The following AGBL4 variants were observed in gnomAD, a reference collection of about 807,000 sequenced individuals.
AGBL4 encodes AGBL carboxypeptidase 4.
In AGBL4, 58 loss-of-function variants were observed where a neutral mutation model predicts 66.4. That is an observed-to-expected ratio of 0.87 (90% CI 0.71 to 1.09). AGBL4 has a LOEUF of 1.09. Among genes scored for constraint, AGBL4 ranks in the 50% least tolerant of loss-of-function variants. The probability of loss-of-function intolerance (pLI) is 0.00; values close to 1 mark genes in which losing one functional copy is unlikely to be tolerated. For synonymous variants in AGBL4, 234 were observed against 222.9 expected (o/e 1.05, Z -0.44); for missense variants, 579 against 631.0 (o/e 0.92, Z 0.88).
At chr1:49,734,271 T>TGGAGAGG (rs1395077323) in intron 2 of AGBL4, among the ~76,000 whole-genome samples, 1 of 150,048 alleles carries the variant, frequency 6.7e-6, no homozygotes, top group Non-Finnish European at 1.5e-5. Flanking sequence ...ACTAGTGCCA[T>TGGAGAGG]GGAGAGGGGA....
intron 6 of AGBL4, among the ~76,000 whole-genome samples, chr1:48,864,040 A>C (rs1173612365): frequency 6.6e-6 from 1 of 152,146 alleles, no homozygotes; most frequent in African/African-American, 2.4e-5. Context: ...GACGTTTGCA[A>C]TGTATATAAG....
intron 6 of AGBL4, among the ~76,000 whole-genome samples, chr1:48,804,960 T>C (rs1333398932): frequency 6.6e-6 from 1 of 152,174 alleles, no homozygotes; most frequent in African/African-American, 2.4e-5. Flanking sequence ...CAAACTCTGG[T>C]TGGTTGGGAG....
At chr1:48,728,117 A>C in intron 6 of AGBL4, 1 of 1,354,954 alleles carries the variant, frequency 7.4e-7, no homozygotes, top group African/African-American at 1.5e-5. Flanking sequence ...AGGGTAAAAG[A>C]AAATGTACCT....
intron 3 of AGBL4, among the ~76,000 whole-genome samples, chr1:49,462,217 C>T (rs1029751403): frequency 5.3e-5 from 8 of 151,800 alleles, no homozygotes; most frequent in African/African-American, 7.2e-5. Flanking sequence ...CTTCTTTATT[C>T]ATCTTTGTAT....
rs142680863 is a variant in AGBL4 at position 49,029,385 on chromosome 1, A to G, written c.594+16199T>C. Among the ~76,000 whole-genome samples the G allele has an allele frequency of 7.3e-3, 1,105 of 152,328 alleles. 17 individuals are homozygous for G. The highest frequency in any genetic ancestry group is 0.026 in the African/African-American group (1,064 of 41,584). Reference sequence around the variant, plus strand: ...GGTTGCAGAATGAAAATGCAAAGCTAAATTTGTATTTAAGTCCAAAACAAA... The same window carrying G: ...GGTTGCAGAATGAAAATGCAAAGCTGAATTTGTATTTAAGTCCAAAACAAA... On this transcript the variant is annotated intron_variant, in intron 5 of 13. Coordinates refer to ENST00000371839, the MANE Select transcript of AGBL4 (RefSeq NM_032785.4).
chr1:49,323,539 C>A (rs148374265), intron 3 of AGBL4, among the ~76,000 whole-genome samples: 1 of 150,978 alleles, frequency 6.6e-6, no homozygotes, highest in African/African-American at 2.4e-5. Flanking sequence ...TCAGGCAATC[C>A]GCCCGTCTCA....
chr1:49,563,478 G>A (rs966112551), intron 3 of AGBL4, among the ~76,000 whole-genome samples: 7 of 152,068 alleles, frequency 4.6e-5, no homozygotes, highest in Non-Finnish European at 7.4e-5. Context: ...TTTGAGATAC[G>A]TCCCATCAGT....
intron 4 of AGBL4, among the ~76,000 whole-genome samples, chr1:49,105,713 C>A (rs1645280325): frequency 6.6e-6 from 1 of 152,136 alleles, no homozygotes; most frequent in African/African-American, 2.4e-5. Flanking sequence ...GTCCCCTTAT[C>A]TGCAAAATGA....
chr1:49,601,711 A>G (rs1028607308), intron 3 of AGBL4, among the ~76,000 whole-genome samples: 2 of 152,212 alleles, frequency 1.3e-5, no homozygotes, highest in African/African-American at 4.8e-5. Flanking sequence ...CTCAAGATGG[A>G]TTAGAGACTT....
chr1:48,658,576 C>A (rs1359521943), intron 7 of AGBL4, among the ~76,000 whole-genome samples: 2 of 152,174 alleles, frequency 1.3e-5, no homozygotes, highest in African/African-American at 4.8e-5. Flanking sequence ...ACCCTCCTGC[C>A]CCCAACTCTG....
intron 9 of AGBL4, among the ~76,000 whole-genome samples, chr1:48,609,466 G>C (rs1367697823): frequency 6.6e-6 from 1 of 152,154 alleles, no homozygotes; most frequent in Non-Finnish European, 1.5e-5. Context: ...CTCTTGCCAA[G>C]GCTGGAGTGC....
intron 4 of AGBL4, among the ~76,000 whole-genome samples, chr1:49,192,346 T>C (rs1399880388): frequency 1.3e-5 from 2 of 152,248 alleles, no homozygotes; most frequent in African/African-American, 4.8e-5. Flanking sequence ...TTGCCCAAGC[T>C]GGAGTGCAAT....
At chr1:49,233,094 G>C (rs939440232) in intron 4 of AGBL4, among the ~76,000 whole-genome samples, 1 of 152,000 alleles carries the variant, frequency 6.6e-6, no homozygotes, top group African/African-American at 2.4e-5. Flanking sequence ...ACAAATCTTT[G>C]AGCATATCTC....
At chr1:49,700,306 GATA>G (rs1647064859) in intron 2 of AGBL4, among the ~76,000 whole-genome samples, 2 of 94,140 alleles carry the variant, frequency 2.1e-5, no homozygotes, top group Admixed American at 2.0e-4. Context: ...TAAATAGATA[GATA>G]GATAGATAGA....
At chr1:48,544,180 T>C (rs151109905) in intron 11 of AGBL4, among the ~76,000 whole-genome samples, 102 of 152,300 alleles carry the variant, frequency 6.7e-4, no homozygotes, top group African/African-American at 2.3e-3. Context: ...TGTCCTCTTG[T>C]TTAAAAAGTT....
intron 2 of AGBL4, among the ~76,000 whole-genome samples, chr1:49,815,160 C>T (rs1645201358): frequency 6.6e-6 from 1 of 152,138 alleles, no homozygotes; most frequent in East Asian, 1.9e-4. Context: ...GCCTCACTGA[C>T]CCTAACCCTC....
chr1:49,723,742 G>C (rs1247914764), intron 2 of AGBL4, among the ~76,000 whole-genome samples: 2 of 152,122 alleles, frequency 1.3e-5, no homozygotes, highest in Admixed American at 6.6e-5. Flanking sequence ...CAAAGTGATT[G>C]AAAACACTAG....
chr1:49,042,567 C>G (rs996271782), intron 5 of AGBL4, among the ~76,000 whole-genome samples: 1 of 152,106 alleles, frequency 6.6e-6, no homozygotes, highest in East Asian at 1.9e-4. Flanking sequence ...CCACCGTCTC[C>G]TTCATCCTGC....
chr1:49,054,933 C>T (rs941315423), intron 4 of AGBL4, among the ~76,000 whole-genome samples: 5 of 151,822 alleles, frequency 3.3e-5, no homozygotes, highest in East Asian at 1.9e-4. Context: ...AAATGAAGCA[C>T]CAAAGTGCTT....
Sources: allele counts gnomAD v4.1 joint callset (sites outside exome capture counted in the v4.1 genomes callset), GRCh38; gene constraint gnomAD v4.1.1; transcripts MANE v1.5; gene names NCBI Gene and HGNC (gene_info 2026-07-23, HGNC 2026-07-21).